The following BST1 variants were observed in gnomAD, a reference collection of about 807,000 sequenced individuals.
BST1 encodes ADP-ribosyl cyclase/cyclic ADP-ribose hydrolase 2.
A neutral mutation model predicts 40.6 loss-of-function variants in BST1; 49 were observed. The ratio of observed to expected loss-of-function variants is 1.21; its 90% CI spans 0.96 to 1.53. The LOEUF is 1.53. Ranked by LOEUF, BST1 falls within the 40% of genes most tolerant of loss-of-function variation. The pLI is 0.00. For synonymous variants in BST1, 157 were observed against 159.3 expected, an observed-to-expected ratio of 0.99 and a Z score of 0.11; for missense variants, 423 against 395.9, an observed-to-expected ratio of 1.07 and a Z score of -0.58.
At chr4:15,748,005 T>C in the BST1 span, among the ~76,000 whole-genome samples, 1 of 152,196 alleles carries the variant, frequency 6.6e-6, no homozygotes, top group African/African-American at 2.4e-5. Context: ...TCAGGCCTTC[T>C]TTTCTCCAGA....
At chr4:15,704,000 GTGTGTTCTAGAGGTGAGGGGTGCGTGCA>G (rs1719726230) in intron 1 of BST1, among the ~76,000 whole-genome samples, 3 of 143,888 alleles carry the variant, frequency 2.1e-5, no homozygotes, top group Non-Finnish European at 4.5e-5. Flanking sequence ...ATGTGTGTGT[GTGTGTTCTAGAGGTGAGGGGTGCGTGCA>G]TGTGTTCTAG....
At chr4:15,723,268 G>A (rs546470214) in intron 8 of BST1, among the ~76,000 whole-genome samples, 2 of 152,082 alleles carry the variant, frequency 1.3e-5, no homozygotes, top group Non-Finnish European at 2.9e-5. Context: ...GAGGCGGGGG[G>A]CAGAGTCTCG....
chr4:15,746,237 T>C, the BST1 span, among the ~76,000 whole-genome samples: 2 of 152,154 alleles, frequency 1.3e-5, no homozygotes, highest in East Asian at 3.8e-4. Flanking sequence ...TTTCCAGGGG[T>C]TAGATTGATG....
At chr4:15,742,794 T>C (rs1169538313), downstream of BST1, among the ~76,000 whole-genome samples, 1 of 152,228 alleles carries the variant, frequency 6.6e-6, no homozygotes, top group African/African-American at 2.4e-5. Context: ...TGAAGCCTGC[T>C]GGGGAACTAA....
In BST1 at chr4:15,731,827, T is replaced by C. The variant is rs755869976; in HGVS notation, c.939T>C (p.Ala313=). 6.2e-7 allele frequency: 1 copy of C among 1,613,396 alleles called. No individual in the cohort carries two copies. Among genetic ancestry groups the C allele is most frequent in the East Asian group, 2.2e-5 (1 of 44,870 alleles). The change falls in exon 9 of 9, where the codon GCT becomes GCC. Residue 313 remains alanine (A), a synonymous_variant. Transcript: ENST00000265016. ...TCATTCCCCTCTTTCTGGTGCTGGC[T>C]TCCAGGACTCAACTGTAACTGGAAA... is the stretch of plus-strand genomic sequence containing the variant. ...GLIIPLFLVL[A]SRTQL is the part of the protein sequence containing the mutation.
At chr4:15,750,953 A>G in the BST1 span, among the ~76,000 whole-genome samples, 45 of 152,274 alleles carry the variant, frequency 3.0e-4, no homozygotes, top group East Asian at 1.3e-3. Context: ...AAAACTCATT[A>G]TGGTAGGTTC....
intron 5 of BST1, 58 bp downstream of exon 5, chr4:15,715,419 T>C (rs982567805): frequency 6.5e-7 from 1 of 1,533,830 alleles, no homozygotes; most frequent in Non-Finnish European, 9.0e-7. Context: ...TATTTAATTG[T>C]TTTAAATAGA....
At chr4:15,752,250 C>T in the BST1 span, among the ~76,000 whole-genome samples, 9 of 151,996 alleles carry the variant, frequency 5.9e-5, no homozygotes, top group African/African-American at 1.7e-4. Flanking sequence ...ATTGTATTTT[C>T]GAAGGTGATG....
the BST1 span, among the ~76,000 whole-genome samples, chr4:15,770,947 T>C: frequency 3.5e-3 from 538 of 152,300 alleles, 2 homozygotes; most frequent in African/African-American, 0.012. Flanking sequence ...TTTGCCCAAA[T>C]AGCAAAGCCC....
chr4:15,730,914 C>CT (rs61278613), intron 8 of BST1: 3,062 of 220,396 alleles, frequency 0.014, 1 homozygote, highest in Non-Finnish European at 0.019. Flanking sequence ...GCACAATTTG[C>CT]TTTTTTTTTT....
At chr4:15,729,117 A>G (rs1721260974) in intron 8 of BST1, among the ~76,000 whole-genome samples, 1 of 152,218 alleles carries the variant, frequency 6.6e-6, no homozygotes, top group South Asian at 2.1e-4. Flanking sequence ...GTCATTTAAA[A>G]TATTTTTTAA....
the BST1 span, among the ~76,000 whole-genome samples, chr4:15,762,188 C>CAAAAAAAAAA: frequency 6.9e-4 from 42 of 61,236 alleles, no homozygotes; most frequent in Middle Eastern, 0.012. Flanking sequence ...GACTCCATCT[C>CAAAAAAAAAA]AAAAAAAAAA....
chr4:15,754,705 A>G, the BST1 span, among the ~76,000 whole-genome samples: 1 of 152,176 alleles, frequency 6.6e-6, no homozygotes, highest in Non-Finnish European at 1.5e-5. Context: ...AAGTACGTAG[A>G]TTTGTTTTAG....
downstream of BST1, among the ~76,000 whole-genome samples, chr4:15,740,243 A>T (rs1721711714): frequency 2.0e-5 from 3 of 152,288 alleles, no homozygotes; most frequent in South Asian, 6.2e-4. Flanking sequence ...TTTTTGCTAG[A>T]GACGGGGTTT....
chr4:15,751,115 T>C, the BST1 span, among the ~76,000 whole-genome samples: 1 of 152,146 alleles, frequency 6.6e-6, no homozygotes, highest in African/African-American at 2.4e-5. Flanking sequence ...TACAGAGACT[T>C]ATACTAGAGC....
chr4:15,739,591 G>GTGTGTT (rs1721688374), downstream of BST1, among the ~76,000 whole-genome samples: 2 of 142,796 alleles, frequency 1.4e-5, no homozygotes, highest in Admixed American at 6.9e-5. Flanking sequence ...GTGTGTGTGT[G>GTGTGTT]TGTATTTCTC....
chr4:15,718,244 AGT>A (rs35788103), intron 6 of BST1, among the ~76,000 whole-genome samples: 2,410 of 148,952 alleles, frequency 0.016, 53 homozygotes, highest in African/African-American at 0.05. Flanking sequence ...ATGGCAGAGA[AGT>A]GTGTGTGTGT....
chr4:15,723,385 T>C (rs1720924919), intron 8 of BST1: 2 of 182,010 alleles, frequency 1.1e-5, no homozygotes, highest in Admixed American at 6.5e-5. Flanking sequence ...TAGCTGGGAC[T>C]ACAGGGGCCT....
chr4:15,711,363 C>G (rs924628802), intron 3 of BST1, among the ~76,000 whole-genome samples: 1 of 152,152 alleles, frequency 6.6e-6, no homozygotes, highest in Non-Finnish European at 1.5e-5. Flanking sequence ...TAAGCATTAT[C>G]ACTTTCTTAA....
Sources: allele counts gnomAD v4.1 joint callset (sites outside exome capture counted in the v4.1 genomes callset), GRCh38; gene constraint gnomAD v4.1.1; transcripts MANE v1.5; gene names NCBI Gene and HGNC (gene_info 2026-07-23, HGNC 2026-07-21).